Variants in FH observed in about 807,000 individuals in gnomAD.
FH encodes fumarate hydratase.
Under a neutral mutation model 49.4 loss-of-function variants are expected in FH, and 22 were observed. That is an observed-to-expected ratio of 0.45 (90% confidence interval 0.32 to 0.64). FH has a LOEUF of 0.64. FH is among the 30% of genes least tolerant of loss of function. The probability of loss-of-function intolerance (pLI) is 0.05; values close to 1 mark genes in which losing one functional copy is unlikely to be tolerated. For synonymous variants in FH, 208 were observed against 223.0 expected (o/e 0.93, Z 0.60); for missense variants, 526 against 641.5 (o/e 0.82, Z 1.95).
At chr1:241,518,405 T>C (rs1660276186) in intron 1 of FH, among the ~76,000 whole-genome samples, 1 of 152,228 alleles carries the variant, frequency 6.6e-6, no homozygotes, top group Non-Finnish European at 1.5e-5. Context: ...TAAAAATATG[T>C]AAAGGTTTTA....
chr1:241,505,267 C>A (rs1659882482), intron 6 of FH, among the ~76,000 whole-genome samples: 2 of 152,074 alleles, frequency 1.3e-5, no homozygotes, highest in South Asian at 2.1e-4. Flanking sequence ...ATCCTCTCCC[C>A]TAGCCAGGAG....
In FH at chr1:241,506,077, G is replaced by C. The variant is rs1553341160; in HGVS notation, c.830C>G (p.Thr277Ser). ...AGTATTTAAACCTGTACCAACAGCA[G>C]TGCCTCCAGCTGCGAGCTCATAGAT... is the stretch of plus-strand genomic sequence containing the variant. Reference protein sequence around the residue: ...PRIYELAAGGTAVGTGLNTRI... With the variant: ...PRIYELAAGGSAVGTGLNTRI... The change falls in exon 6 of 10, where the codon ACT becomes AGT. Residue 277 changes from threonine to serine, a missense_variant. Thr to Ser is a moderately conservative substitution (Grantham distance 58, BLOSUM62 1). Around this residue, in one of 2 missense-constraint regions of FH, gnomAD observed 383 missense variants for 514.0 expected, o/e 0.75. Coordinates refer to ENST00000366560, the MANE Select transcript of FH (RefSeq NM_000143.4). 6.2e-7 allele frequency: 1 copy of C among 1,613,870 alleles called. No individual in the cohort carries two copies. The highest frequency in any genetic ancestry group is 8.5e-7 in the Non-Finnish European group (1 of 1,179,948).
intron 1 of FH, 100 bp downstream of exon 1, chr1:241,519,491 C>T: frequency 7.1e-7 from 1 of 1,406,910 alleles, no homozygotes; most frequent in South Asian, 1.4e-5. Context: ...GGCCCGGACG[C>T]CCGGGGAATC....
At chr1:241,517,056 A>T in intron 2 of FH, 126 bp downstream of exon 2, 1 of 1,130,242 alleles carries the variant, frequency 8.8e-7, no homozygotes, top group Non-Finnish European at 1.3e-6. Flanking sequence ...ACCTCTTATT[A>T]CTCACGAAGC....
In FH at chr1:241,519,649, G is replaced by A. The variant is rs1573889933; in HGVS notation, c.74C>T (p.Ala25Val). 1 of 1,548,116 alleles carries A rather than the reference G, an allele frequency of 6.5e-7. No homozygotes were observed. Among genetic ancestry groups the A allele is most frequent in the African/African-American group, 1.4e-5 (1 of 73,060 alleles). The change falls in exon 1 of 10, where the codon GCT (alanine) becomes GTT (valine). Residue 25 changes from alanine to valine, a missense_variant. Physicochemically the swap from Ala to Val is moderately conservative, Grantham distance 64. Transcript: ENST00000366560. ...VRAPAAALASAPGLGGAAVPS... is the reference protein window; with the variant it reads ...VRAPAAALASVPGLGGAAVPS... ...CACGGCCGCGCCACCCAAGCCGGGA[G>A]CCGAAGCTAAGGCTGCGGCTGGAGC...
At chr1:241,499,314 T>C (rs1659709133) in intron 9 of FH, among the ~76,000 whole-genome samples, 2 of 152,168 alleles carry the variant, frequency 1.3e-5, no homozygotes, top group South Asian at 4.1e-4. Context: ...CAATAAAGAT[T>C]TGCCAATCAT....
At chr1:241,503,894 G>C in intron 7 of FH, 148 bp downstream of exon 7, 1 of 840,704 alleles carries the variant, frequency 1.2e-6, no homozygotes, top group Non-Finnish European at 2.0e-6. Context: ...CAGCAGTCCT[G>C]ACCAGAGGAC....
chr1:241,504,519 G>A (rs563354611), intron 6 of FH, among the ~76,000 whole-genome samples: 3 of 152,116 alleles, frequency 2.0e-5, no homozygotes, highest in Non-Finnish European at 4.4e-5. Flanking sequence ...ACAGCTCACT[G>A]TAGCCTCAAC....
At chr1:241,507,359 A>C (rs1659956903) in intron 5 of FH, among the ~76,000 whole-genome samples, 1 of 152,124 alleles carries the variant, frequency 6.6e-6, no homozygotes, top group African/African-American at 2.4e-5. Context: ...TCACATAACT[A>C]TGAAATTGCC....
intron 8 of FH, 129 bp downstream of exon 8, chr1:241,502,314 C>T: frequency 1.0e-6 from 1 of 993,176 alleles, no homozygotes; most frequent in Non-Finnish European, 1.6e-6. Flanking sequence ...TTAATAAATG[C>T]TTGACTTCCA....
chr1:241,513,468 T>C (rs1660140240), intron 3 of FH, 135 bp downstream of exon 3: 8 of 772,504 alleles, frequency 1.0e-5, no homozygotes, highest in Admixed American at 3.9e-5. Context: ...CCACTAAAAA[T>C]AATGCTACCA....
At chr1:241,506,935 C>T (rs1244051212) in intron 5 of FH, among the ~76,000 whole-genome samples, 2 of 152,136 alleles carry the variant, frequency 1.3e-5, no homozygotes, top group Non-Finnish European at 2.9e-5. Flanking sequence ...CATGGTTACA[C>T]TAAATCTATC....
chr1:241,506,579 A>G (rs112127670), intron 5 of FH, among the ~76,000 whole-genome samples: 134 of 152,310 alleles, frequency 8.8e-4, no homozygotes, highest in Middle Eastern at 6.8e-3. Flanking sequence ...ATAGTAACTC[A>G]TCTCCCCCAA....
chr1:241,508,535 T>C (rs778660045), intron 5 of FH, 68 bp downstream of exon 5: 24 of 1,414,772 alleles, frequency 1.7e-5, no homozygotes, highest in Non-Finnish European at 2.4e-5. Context: ...CTAGTCAGAT[T>C]TCAAGGATGA....
chr1:241,519,537 CA>C lies in FH; in HGVS notation c.132+53del, dbSNP rs1200006150. On this transcript the variant is annotated intron_variant, in intron 1 of 9. Transcript: ENST00000366560. ...AGTCGCGGGCGCCCAGGCCGGCAGG[CA>C]GGAGGGCTGAAGGTCACTGCGGGGA... 1.0e-5 allele frequency: 16 copies of C among 1,525,438 alleles called. No individual in the cohort carries two copies. The African/African-American group carries it at 2.1e-4, about 20-fold the overall frequency. The allele number at this position is 1,525,438 out of a possible 1,614,324, so 94.5% of individuals were successfully genotyped here.
Position 241,502,491 on chromosome 1 carries a change from G to A in FH, c.1188C>T (p.Val396=), listed in dbSNP as rs1202174276. Residue 396 remains valine, a synonymous_variant, in exon 8 of 10, where the codon GTC becomes GTT. Transcript: ENST00000366560. The part of the protein sequence containing the change: ...QVMGNHVAVT[V]GGSNGHFELN... Reference sequence around the variant, plus strand: ...ACTCAAAATGTCCATTGCTGCCTCCGACAGTGACAGCAACATGGTTCCCCA... The same window carrying A: ...ACTCAAAATGTCCATTGCTGCCTCCAACAGTGACAGCAACATGGTTCCCCA... 18 of 1,613,940 alleles carry A rather than the reference G, an allele frequency of 1.1e-5. No individual in the cohort carries two copies. The highest frequency in any genetic ancestry group is 1.6e-4 in the Middle Eastern group (1 of 6,084).
chr1:241,507,982 G>C (rs1382307648), intron 5 of FH, among the ~76,000 whole-genome samples: 1 of 152,106 alleles, frequency 6.6e-6, no homozygotes, highest in Non-Finnish European at 1.5e-5. Context: ...CATTGAAAAA[G>C]AAACATGAAA....
intron 2 of FH, among the ~76,000 whole-genome samples, chr1:241,516,155 T>G (rs1008061072): frequency 6.6e-6 from 1 of 152,112 alleles, no homozygotes; most frequent in Admixed American, 6.6e-5. Flanking sequence ...TGTAGAACCC[T>G]AGTAAAAATC....
chr1:241,499,649 T>G (rs1659718914), intron 9 of FH, among the ~76,000 whole-genome samples: 1 of 152,232 alleles, frequency 6.6e-6, no homozygotes, highest in Non-Finnish European at 1.5e-5. Context: ...AGCCATATTA[T>G]GCCAAATAAG....
Sources: gnomAD v4.1 joint callset for allele counts (sites outside exome capture counted in the v4.1 genomes callset) on GRCh38, gnomAD v4.1.1 for gene constraint, gnomAD v4.1.1 regional missense constraint, MANE v1.5 for transcripts, NCBI Gene and HGNC (gene_info 2026-07-23, HGNC 2026-07-21) for gene names.